The following CDYL2 variants were observed in gnomAD, a reference collection of about 807,000 sequenced individuals.
CDYL2 encodes chromodomain Y like 2.
CDYL2 carries 23 observed loss-of-function variants against 49.4 expected under a neutral mutation model. The observed-to-expected ratio is 0.47, with a 90% CI of 0.34 to 0.66. The LOEUF is 0.66. Ranked by LOEUF, CDYL2 falls within the 30% of genes least tolerant of loss-of-function variation. The pLI is 0.01. For synonymous variants in CDYL2, 360 were observed against 268.8 expected (o/e 1.34, Z -3.32); for missense variants, 678 against 656.4 (o/e 1.03, Z -0.36).
intron 1 of CDYL2, among the ~76,000 whole-genome samples, chr16:80,746,048 T>G (rs1905918602): frequency 6.6e-6 from 1 of 152,166 alleles, no homozygotes; most frequent in African/African-American, 2.4e-5. Flanking sequence ...CACAGGTCCT[T>G]GGAATGTAAA....
intron 2 of CDYL2, among the ~76,000 whole-genome samples, chr16:80,675,412 C>T (rs1909701954): frequency 6.6e-6 from 1 of 152,220 alleles, no homozygotes; most frequent in Non-Finnish European, 1.5e-5. Flanking sequence ...AATTAAATCA[C>T]ATTTAGTAGA....
chr16:80,664,244 C>T (rs537521513), intron 2 of CDYL2, among the ~76,000 whole-genome samples: 75 of 152,266 alleles, frequency 4.9e-4, no homozygotes, highest in African/African-American at 1.6e-3. Context: ...TGAGGTTCTC[C>T]GAAACTGAGT....
chr16:80,710,500 G>A (rs117808876), intron 1 of CDYL2, among the ~76,000 whole-genome samples: 1,736 of 152,290 alleles, frequency 0.011, 16 homozygotes, highest in Non-Finnish European at 0.017. Context: ...GGATGTGCGT[G>A]TGTTTGTGTG....
At chr16:80,709,656 G>A (rs12444479) in intron 1 of CDYL2, among the ~76,000 whole-genome samples, 62,350 of 151,696 alleles carry the variant, frequency 0.41, 15,900 homozygotes, top group Middle Eastern at 0.6. Flanking sequence ...GACCACACTT[G>A]TGCACAACTT....
intron 1 of CDYL2, among the ~76,000 whole-genome samples, chr16:80,690,354 C>T (rs1003658454): frequency 2.0e-5 from 3 of 152,052 alleles, no homozygotes; most frequent in African/African-American, 4.8e-5. Flanking sequence ...ACCACCCCCT[C>T]CTCCTCAGCC....
chr16:80,631,411 C>T (rs1907555289), intron 3 of CDYL2, among the ~76,000 whole-genome samples: 1 of 152,156 alleles, frequency 6.6e-6, no homozygotes, highest in Non-Finnish European at 1.5e-5. Context: ...GAATCTGTTC[C>T]CTTCTCCTGC....
intron 2 of CDYL2, among the ~76,000 whole-genome samples, chr16:80,639,895 C>G (rs1030326019): frequency 2.0e-5 from 3 of 152,214 alleles, no homozygotes; most frequent in Non-Finnish European, 4.4e-5. Flanking sequence ...CAGCTGACGT[C>G]TACCCAATGA....
intron 3 of CDYL2, among the ~76,000 whole-genome samples, chr16:80,625,666 A>C (rs1232326145): frequency 6.6e-6 from 1 of 152,234 alleles, no homozygotes; most frequent in Non-Finnish European, 1.5e-5. Context: ...TCATATTTAA[A>C]CTTCAGAACA....
chr16:80,649,411 A>T (rs1350936226), intron 2 of CDYL2, among the ~76,000 whole-genome samples: 10 of 152,184 alleles, frequency 6.6e-5, no homozygotes, highest in Non-Finnish European at 1.5e-5. Flanking sequence ...TTAAATACCT[A>T]GGAATTAAGT....
chr16:80,721,489 G>A (rs1313228169), intron 1 of CDYL2, among the ~76,000 whole-genome samples: 1 of 152,170 alleles, frequency 6.6e-6, no homozygotes, highest in Non-Finnish European at 1.5e-5. Flanking sequence ...TTGGGAGAGT[G>A]GCGATCATGA....
chr16:80,690,849 G>T (rs572524455), intron 1 of CDYL2, among the ~76,000 whole-genome samples: 1 of 152,216 alleles, frequency 6.6e-6, no homozygotes, highest in African/African-American at 2.4e-5. Context: ...GGTCCAAATG[G>T]AAACAGACTC....
rs28403169 is a variant in CDYL2, at chr16:80,724,354, G to C, written c.25-39225C>G. On this transcript the variant is annotated intron_variant, in intron 1 of 6. Transcript: ENST00000570137. ...AGGAGGAGGAGGAAGAAATGGAGTA[G>C]AAGGACCTAGAGAAATTATTTCTGT... Among the ~76,000 whole-genome samples, 645 of 152,218 alleles carry C rather than the reference G, an allele frequency of 4.2e-3. 5 individuals are homozygous for C. Among genetic ancestry groups the C allele is most frequent in the African/African-American group, 0.015 (620 of 41,548 alleles).
At chr16:80,697,961 C>T (rs1247924057) in intron 1 of CDYL2, among the ~76,000 whole-genome samples, 1 of 152,074 alleles carries the variant, frequency 6.6e-6, no homozygotes. Flanking sequence ...GTTAAAATGG[C>T]CATACTAGCC....
At chr16:80,640,649 G>A (rs9928160) in intron 2 of CDYL2, among the ~76,000 whole-genome samples, 8,919 of 152,128 alleles carry the variant, frequency 0.059, 818 homozygotes, top group African/African-American at 0.2. Context: ...TGACCTTTCA[G>A]GCAGAGAATT....
chr16:80,706,009 G>C (rs564407407), intron 1 of CDYL2, among the ~76,000 whole-genome samples: 1 of 152,308 alleles, frequency 6.6e-6, no homozygotes, highest in African/African-American at 2.4e-5. Context: ...CAGTAGAGGG[G>C]TGTAATCTGA....
intron 2 of CDYL2, among the ~76,000 whole-genome samples, chr16:80,663,126 A>G (rs1909116718): frequency 1.9e-5 from 2 of 107,610 alleles, no homozygotes; most frequent in African/African-American, 5.3e-5. Flanking sequence ...AGCCCCCTAA[A>G]AGACACAGGT....
At chr16:80,649,602 C>G (rs1380627349) in intron 2 of CDYL2, among the ~76,000 whole-genome samples, 2 of 152,078 alleles carry the variant, frequency 1.3e-5, no homozygotes, top group African/African-American at 4.8e-5. Context: ...ATATTCTTCA[C>G]AGAAATAGAA....
At chr16:80,735,110 C>T (rs547501292) in intron 1 of CDYL2, 1 of 152,324 alleles carries the variant, frequency 6.6e-6, no homozygotes, top group East Asian at 1.9e-4. Flanking sequence ...TACCTCTGTC[C>T]ACCCTCAAGG....
intron 1 of CDYL2, among the ~76,000 whole-genome samples, chr16:80,749,323 T>C (rs1292401102): frequency 1.3e-5 from 2 of 152,216 alleles, no homozygotes; most frequent in African/African-American, 4.8e-5. Flanking sequence ...ATAAAGCAGT[T>C]GGTCACCTGC....
Sources: allele counts gnomAD v4.1 joint callset (sites outside exome capture counted in the v4.1 genomes callset), GRCh38; gene constraint gnomAD v4.1.1; transcripts MANE v1.5; gene names NCBI Gene and HGNC (gene_info 2026-07-23, HGNC 2026-07-21).